Variants in TNNT2 observed in about 807,000 individuals in gnomAD.
The protein encoded by TNNT2 is troponin T2, cardiac type, also known as troponin T, cardiac muscle.
Under a neutral mutation model 62.4 loss-of-function variants are expected in TNNT2, and 34 were observed. That is an observed-to-expected ratio of 0.54 (90% CI 0.41 to 0.72). The LOEUF is 0.72. Ranked by LOEUF, TNNT2 falls within the 30% of genes least tolerant of loss-of-function variation. The pLI is 0.00. For synonymous variants in TNNT2, 123 were observed against 127.2 expected (o/e 0.97, Z 0.22); for missense variants, 275 against 381.9 (o/e 0.72, Z 2.33).
intron 11 of TNNT2, chr1:201,363,668 G>T (rs1022731919): frequency 3.7e-5 from 18 of 490,218 alleles, no homozygotes; most frequent in Non-Finnish European, 5.9e-5. Flanking sequence ...TGGAAGACCT[G>T]TTGCTCTGGA....
At chr1:201,361,012 C>G (rs560321574) in intron 15 of TNNT2, 1 of 513,562 alleles carries the variant, frequency 1.9e-6, no homozygotes, top group East Asian at 3.7e-5. Flanking sequence ...GCTGCCTCAA[C>G]GTGTTGGAGA....
At chr1:201,372,818 A>G (rs910723788) in intron 2 of TNNT2, among the ~76,000 whole-genome samples, 5 of 152,150 alleles carry the variant, frequency 3.3e-5, no homozygotes, top group African/African-American at 1.2e-4. Flanking sequence ...GGGATCCAAG[A>G]CAGGGTGATA....
intron 13 of TNNT2, 84 bp downstream of exon 13, chr1:201,362,302 T>G: frequency 6.3e-7 from 1 of 1,577,980 alleles, no homozygotes; most frequent in Non-Finnish European, 8.6e-7. Flanking sequence ...TCTTCACTCC[T>G]CCCCTCCAGC....
intron 4 of TNNT2, among the ~76,000 whole-genome samples, chr1:201,371,253 A>T (rs1217970180): frequency 6.6e-6 from 1 of 152,194 alleles, no homozygotes; most frequent in Admixed American, 6.5e-5. Flanking sequence ...CCTCTGAGTC[A>T]TTTCCATGTG....
At chr1:201,362,128 G>T in intron 13 of TNNT2, 106 bp from the exon 14 acceptor site, 1 of 1,317,664 alleles carries the variant, frequency 7.6e-7, no homozygotes, top group Non-Finnish European at 1.1e-6. Flanking sequence ...GGAGGGCCAG[G>T]TTCTTATGCT....
intron 2 of TNNT2, chr1:201,372,961 G>A (rs1290166329): frequency 1.5e-6 from 1 of 649,948 alleles, no homozygotes; most frequent in Non-Finnish European, 2.8e-6. Context: ...AGCCAAGACT[G>A]GCCAAGGACA....
At chr1:201,371,967 A>G in intron 4 of TNNT2, 60 bp downstream of exon 4, 1 of 1,611,794 alleles carries the variant, frequency 6.2e-7, no homozygotes, top group Non-Finnish European at 8.5e-7. Flanking sequence ...CAGGGCTCCC[A>G]GGATTTCCAC....
At chr1:201,372,121 A>G (rs577976976) in intron 3 of TNNT2, 24 bp downstream of exon 3, 1 of 1,614,150 alleles carries the variant, frequency 6.2e-7, no homozygotes, top group South Asian at 1.1e-5. Context: ...TTTGATCCAA[A>G]TGAGTACACA....
intron 1 of TNNT2, chr1:201,374,920 GGGA>G (rs1661175107): frequency 6.6e-6 from 1 of 152,312 alleles, no homozygotes; most frequent in South Asian, 2.1e-4. Flanking sequence ...AAAGTGAGGC[GGGA>G]GAAGAATCCA....
chr1:201,364,224 G>A, intron 11 of TNNT2, 74 bp downstream of exon 11: 1 of 1,444,380 alleles, frequency 6.9e-7, no homozygotes, highest in Non-Finnish European at 9.5e-7. Context: ...TTGATGAATA[G>A]AGAGGGGCCT....
At position 201,363,399 on chromosome 1, in the gene TNNT2, C is replaced by T. The variant is rs777763436; in HGVS notation, c.497G>A (p.Arg166Lys). The T allele has an allele frequency of 2.5e-6, 4 of 1,614,138 alleles. No individual in the cohort carries two copies. In the South Asian group the frequency reaches 4.4e-5, roughly 18 times the overall value. ...GTTCTCCTCCTCCTCTCGTCGAGCC[C>T]TCTCTTCCTGATTTACAGCAGGGAG... Reference protein sequence around the residue: ...KERQNRLAEERARREEEENRR... With the variant: ...KERQNRLAEEKARREEEENRR... The change falls in exon 12 of 17, where the codon AGG becomes AAG. Residue 166 changes from arginine (R) to lysine (K), a missense_variant. By Grantham distance (26) the Arg-to-Lys change is conservative. Coordinates refer to ENST00000656932, the MANE Select transcript of TNNT2 (RefSeq NM_001276345.2).
At chr1:201,374,215 C>T (rs1198263245) in intron 1 of TNNT2, 1 of 152,078 alleles carries the variant, frequency 6.6e-6, no homozygotes, top group Non-Finnish European at 1.5e-5. Context: ...TGTAAACGCT[C>T]GTTATTAAAG....
intron 8 of TNNT2, 137 bp downstream of exon 8, chr1:201,366,701 G>A: frequency 6.3e-7 from 1 of 1,588,530 alleles, no homozygotes; most frequent in Non-Finnish European, 8.5e-7. Context: ...TACACAACTT[G>A]TACAACTGTA....
intron 5 of TNNT2, chr1:201,369,368 C>G (rs1438293929): frequency 4.2e-6 from 2 of 474,258 alleles, no homozygotes; most frequent in African/African-American, 4.0e-5. Context: ...TCCCTGGCTG[C>G]TCTCCAGAGG....
chr1:201,375,853 T>C (rs1661322863), intron 1 of TNNT2, among the ~76,000 whole-genome samples: 1 of 152,230 alleles, frequency 6.6e-6, no homozygotes, highest in Non-Finnish European at 1.5e-5. Flanking sequence ...GGCATGGTGC[T>C]GGGGCCTCAC....
At chr1:201,366,892 C>G (rs1401551909) in intron 7 of TNNT2, 21 bp from the exon 8 acceptor site, 1 of 1,614,000 alleles carries the variant, frequency 6.2e-7, no homozygotes, top group African/African-American at 1.3e-5. Flanking sequence ...TAGAAGCACA[C>G]AGCCATGGGT....
At chr1:201,369,780 C>A in intron 5 of TNNT2, 36 bp downstream of exon 5, 1 of 1,614,038 alleles carries the variant, frequency 6.2e-7, no homozygotes, top group Non-Finnish European at 8.5e-7. Flanking sequence ...GGACAGCAGG[C>A]AGCAGAAAGC....
chr1:201,369,155 A>T (rs1660188392), intron 5 of TNNT2, among the ~76,000 whole-genome samples: 1 of 151,968 alleles, frequency 6.6e-6, no homozygotes, highest in South Asian at 2.1e-4. Flanking sequence ...ACCCCAGCCC[A>T]CCCAGTGGCC....
In TNNT2 at chr1:201,364,098, G is replaced by T. The variant is rs182197676; in HGVS notation, c.489+200C>A. 5.0e-4 allele frequency: 297 copies of T among 589,208 alleles called. No individual in the cohort carries two copies. The African/African-American group carries it at 5.1e-3, about 10-fold the overall frequency. The allele number at this position is 589,208 out of a possible 1,614,324, so 36.5% of individuals were successfully genotyped here. ...ACAGGGTTTCTCCGTTGGTCAGGAT[G>T]GTCTCGAACTCCCAACCTCAAGTGA... On this transcript the variant is annotated intron_variant, in intron 11 of 16. Coordinates refer to ENST00000656932, the MANE Select transcript of TNNT2 (RefSeq NM_001276345.2).
Sources: allele counts gnomAD v4.1 joint callset (sites outside exome capture counted in the v4.1 genomes callset), GRCh38; gene constraint gnomAD v4.1.1; transcripts MANE v1.5; gene names NCBI Gene and HGNC (gene_info 2026-07-23, HGNC 2026-07-21).